Variants in AKAP13 observed in about 807,000 individuals in gnomAD.
The protein encoded by AKAP13 is A-kinase anchor protein 13.
In AKAP13, 80 loss-of-function variants were observed where a neutral mutation model predicts 264.5. The observed-to-expected ratio is 0.30, with a 90% CI of 0.25 to 0.36. The LOEUF is 0.36. Among genes scored for constraint, AKAP13 ranks in the 10% least tolerant of loss-of-function variants. The probability of loss-of-function intolerance (pLI) is 1.00; values close to 1 mark genes in which losing one functional copy is unlikely to be tolerated. For synonymous variants in AKAP13, 1,380 were observed against 1,250.2 expected, an observed-to-expected ratio of 1.10 and a Z score of -2.19; for missense variants, 3,712 against 3,435.2, an observed-to-expected ratio of 1.08 and a Z score of -2.01.
Position 85,473,980 on chromosome 15 carries a change from C to T in AKAP13, c.-11-11730C>T, listed in dbSNP as rs117128499. On this transcript the variant is annotated intron_variant, in intron 1 of 36. Transcript: ENST00000394518. ...GGAAGCAATGAGGAAATAAAATCCT[C>T]ACTTCTTACTTGAACAGCAGAATCC... 7.7e-3 allele frequency among the ~76,000 whole-genome samples: 1,168 copies of T among 152,322 alleles called. 12 individuals carry two copies. The highest frequency in any genetic ancestry group is 0.03 in the Admixed American group (465 of 15,286).
rs1353640294 is a variant in AKAP13 at position 85,744,803 on chromosome 15, C to T, written c.*126C>T. The stretch of plus-strand genomic sequence containing the variant: ...CTCCTCAGCGTCCAGTCCTCCTGGG[C>T]GGCCCCAGGTCCTGGACAATAAGCA... On this transcript the variant is annotated 3_prime_UTR_variant, in exon 37 of 37. Coordinates refer to ENST00000394518, the MANE Select transcript of AKAP13 (RefSeq NM_007200.5). 10 of 852,682 alleles carry T rather than the reference C, an allele frequency of 1.2e-5. No homozygotes were observed. Among genetic ancestry groups the T allele is most frequent in the South Asian group, 8.7e-5 (5 of 57,630 alleles). The allele number at this position is 852,682 out of a possible 1,614,324, so 52.8% of individuals were successfully genotyped here. A position where few individuals can be genotyped will look rare whatever the true frequency, so the allele number is the denominator to read the frequency against.
intron 16 of AKAP13, among the ~76,000 whole-genome samples, chr15:85,688,627 C>T (rs2085082017): frequency 6.6e-6 from 1 of 152,142 alleles, no homozygotes; most frequent in African/African-American, 2.4e-5. Flanking sequence ...AGTTCTTAAA[C>T]ATGTCCAAAG....
chr15:85,660,591 G>A (rs1000946108), intron 12 of AKAP13, among the ~76,000 whole-genome samples: 1 of 152,032 alleles, frequency 6.6e-6, no homozygotes, highest in Non-Finnish European at 1.5e-5. Context: ...GGATATTTAG[G>A]TAAAAATATG....
intron 3 of AKAP13, among the ~76,000 whole-genome samples, chr15:85,529,515 G>A (rs185459394): frequency 1.3e-5 from 2 of 152,340 alleles, no homozygotes; most frequent in East Asian, 1.9e-4. Flanking sequence ...TGTCTCTAGC[G>A]CTAATTTATG....
chr15:85,693,618 A>G (rs1008141567), intron 17 of AKAP13, among the ~76,000 whole-genome samples, 167 bp downstream of exon 17: 6 of 152,244 alleles, frequency 3.9e-5, no homozygotes, highest in Admixed American at 6.5e-5. Flanking sequence ...CTAGATGTAT[A>G]ACATACAGCC....
rs1338002125 is a variant in AKAP13 at position 85,543,753 on chromosome 15, T to C, written c.479-19T>C. On this transcript the variant is annotated intron_variant, in intron 4 of 36. Coordinates refer to ENST00000394518, the MANE Select transcript of AKAP13 (RefSeq NM_007200.5). ...TTTATATTTTCCTCACTTACGTTCA[T>C]TTTCTCCCCCATTTACAGATGCTGG... The C allele has an allele frequency of 6.3e-7, 1 of 1,578,870 alleles. No homozygotes were observed. The highest frequency in any genetic ancestry group is 8.6e-7 in the Non-Finnish European group (1 of 1,161,508).
At chr15:85,404,160 C>G (rs1276902537) in intron 1 of AKAP13, among the ~76,000 whole-genome samples, 3 of 152,174 alleles carry the variant, frequency 2.0e-5, no homozygotes, top group Non-Finnish European at 4.4e-5. Flanking sequence ...AGGAGAGGGA[C>G]TGACCAAGAT....
chr15:85,636,534 G>C (rs2151464638), intron 8 of AKAP13, among the ~76,000 whole-genome samples: 1 of 152,114 alleles, frequency 6.6e-6, no homozygotes, highest in African/African-American at 2.4e-5. Context: ...TTTTATAGAT[G>C]CCTTTGTCAG....
chr15:85,614,786 G>A (rs1335233392), intron 8 of AKAP13, among the ~76,000 whole-genome samples: 1 of 152,126 alleles, frequency 6.6e-6, no homozygotes, highest in Non-Finnish European at 1.5e-5. Context: ...AATTCTAAGT[G>A]CTACTTTTCC....
intron 16 of AKAP13, among the ~76,000 whole-genome samples, chr15:85,689,372 T>C (rs1306731467): frequency 6.6e-6 from 1 of 152,256 alleles, no homozygotes; most frequent in East Asian, 1.9e-4. Flanking sequence ...TTTGATCATA[T>C]CATGTTTTCA....
At chr15:85,703,457 G>A (rs956824655) in intron 17 of AKAP13, among the ~76,000 whole-genome samples, 1 of 152,156 alleles carries the variant, frequency 6.6e-6, no homozygotes, top group Non-Finnish European at 1.5e-5. Flanking sequence ...CAGCACTGTG[G>A]TTATTACACC....
intron 17 of AKAP13, chr15:85,702,442 G>A (rs1026299264): frequency 2.0e-5 from 3 of 152,140 alleles, no homozygotes; most frequent in South Asian, 2.1e-4. Flanking sequence ...ATTTGGGGAC[G>A]CAGAATCTTT....
chr15:85,647,465 A>C (rs1263709666), intron 10 of AKAP13, among the ~76,000 whole-genome samples: 2 of 152,114 alleles, frequency 1.3e-5, no homozygotes, highest in African/African-American at 4.8e-5. Flanking sequence ...AATCAGGAGC[A>C]TATCAGTGCC....
intron 12 of AKAP13, among the ~76,000 whole-genome samples, chr15:85,659,441 G>A (rs2083241164): frequency 6.6e-6 from 1 of 152,124 alleles, no homozygotes; most frequent in Non-Finnish European, 1.5e-5. Context: ...TTTTCAAGTG[G>A]ATGCTTTCTT....
intron 1 of AKAP13, among the ~76,000 whole-genome samples, chr15:85,413,126 T>C (rs1003315772): frequency 6.6e-6 from 1 of 152,232 alleles, no homozygotes; most frequent in African/African-American, 2.4e-5. Flanking sequence ...AATTGATCCT[T>C]AGGGAAAAGT....
At chr15:85,583,865 C>G (rs1385995550) in intron 7 of AKAP13, among the ~76,000 whole-genome samples, 1 of 152,150 alleles carries the variant, frequency 6.6e-6, no homozygotes, top group Non-Finnish European at 1.5e-5. Context: ...TATGGACTTT[C>G]AGCAGTATAT....
At chr15:85,645,739 A>G (rs2082528000) in intron 9 of AKAP13, 79 bp from the exon 10 acceptor site, 2 of 1,447,704 alleles carry the variant, frequency 1.4e-6, no homozygotes, top group Non-Finnish European at 1.8e-6. Flanking sequence ...TGCTGGGGTG[A>G]AAAGGAAGTG....
rs2086411937 is a variant in AKAP13, at chr15:85,708,071, A to T, written c.5517A>T (p.Ala1839=). Residue 1839 remains alanine (A), a synonymous_variant, in exon 18 of 37, where the codon GCA becomes GCT. Transcript: ENST00000394518. This position sits in a 1 kb window ranked among gnomAD's most constrained non-coding sequence, Gnocchi z 4.3. ...GCCGAGAAAGTCTAGCCTCCTGTGC[A>T]AAGGTCAAAATGAAGGTAAGACTTT... ...KGCRESLASC[A]KVKMKQPKGS... 1.9e-6 allele frequency: 3 copies of T among 1,613,738 alleles called. No individual in the cohort carries two copies. In the African/African-American group the frequency reaches 4.0e-5, roughly 22 times the overall value.
intron 16 of AKAP13, chr15:85,691,962 G>A: frequency 2.2e-6 from 1 of 451,878 alleles, no homozygotes; most frequent in Non-Finnish European, 4.5e-6. Context: ...GTAGAGGAGT[G>A]AGCTACTAAG....
Sources: allele counts gnomAD v4.1 joint callset (sites outside exome capture counted in the v4.1 genomes callset), GRCh38; gene constraint gnomAD v4.1.1; non-coding constraint Gnocchi (gnomAD v3.1); transcripts MANE v1.5; gene names NCBI Gene and HGNC (gene_info 2026-07-23, HGNC 2026-07-21).